The following C2CD5 variants were observed in gnomAD, a reference collection of about 807,000 sequenced individuals.
The protein encoded by C2CD5 is C2 calcium dependent domain containing 5.
C2CD5 carries 109 observed loss-of-function variants against 130.3 expected under a neutral mutation model. The observed-to-expected ratio is 0.84, with a 90% CI of 0.72 to 0.98. The LOEUF is 0.98. Ranked by LOEUF, C2CD5 falls within the 50% of genes least tolerant of loss-of-function variation. The probability of loss-of-function intolerance (pLI) is 0.00; values close to 1 mark genes in which losing one functional copy is unlikely to be tolerated. For synonymous variants in C2CD5, 454 were observed against 429.2 expected (o/e 1.06, Z -0.71); for missense variants, 996 against 1,261.8 (o/e 0.79, Z 3.19).
At position 22,474,789 on chromosome 12, in the gene C2CD5, C is replaced by T. The variant is rs781595649; in HGVS notation, c.2005G>A (p.Asp669Asn). 3.7e-6 allele frequency: 6 copies of T among 1,611,190 alleles called. No individual in the cohort carries two copies. In the Admixed American group the frequency reaches 6.7e-5, roughly 18 times the overall value. ...SESSDEVTEL[D>N]LSHGKKDAFV... is the part of the protein sequence containing the mutation. ...GCATCTTTTTTCCCATGTGAAAGGT[C>T]TAATTCTGTAACTTCATCCGAGCTT... Residue 669 changes from aspartate to asparagine, a missense_variant, in exon 16 of 27, where the codon GAC becomes AAC. Asp to Asn is a conservative substitution (Grantham distance 23). Around this residue, in one of 9 missense-constraint regions of C2CD5, gnomAD observed 590 missense variants for 631.4 expected, o/e 0.93. Coordinates refer to ENST00000446597, the MANE Select transcript of C2CD5 (RefSeq NM_001286176.2).
At chr12:22,470,759 T>TA in intron 21 of C2CD5, 65 bp downstream of exon 21, 1 of 952,610 alleles carries the variant, frequency 1.0e-6, no homozygotes, top group South Asian at 1.4e-5. Flanking sequence ...CTGTCCTGTA[T>TA]ATTTTATCAC....
At chr12:22,484,389 T>C (rs1274112410) in intron 13 of C2CD5, 4 of 233,218 alleles carry the variant, frequency 1.7e-5, no homozygotes, top group Non-Finnish European at 2.5e-5. Context: ...ATGTGTTACA[T>C]ATTGAATGTA....
chr12:22,473,298 A>G (rs962374332), intron 16 of C2CD5, among the ~76,000 whole-genome samples: 10 of 152,112 alleles, frequency 6.6e-5, no homozygotes, highest in Non-Finnish European at 1.5e-4. Flanking sequence ...AAATAGGGAA[A>G]CTATCCAGCT....
chr12:22,535,073 T>C (rs1036291916), intron 3 of C2CD5, 185 bp downstream of exon 3: 2 of 555,538 alleles, frequency 3.6e-6, no homozygotes, highest in Admixed American at 3.5e-5. Context: ...TGTTATCATA[T>C]ACTGTATTTT....
chr12:22,498,507 T>G (rs1947337777), intron 10 of C2CD5, among the ~76,000 whole-genome samples: 1 of 152,222 alleles, frequency 6.6e-6, no homozygotes, highest in South Asian at 2.1e-4. Context: ...GTAAAGTAAT[T>G]ATACTTATTT....
Position 22,475,275 on chromosome 12 carries a change from T to C in C2CD5, c.1903-384A>G, listed in dbSNP as rs561007703. Among the ~76,000 whole-genome samples, 11 of 152,316 alleles carry C rather than the reference T, an allele frequency of 7.2e-5. No individual in the cohort carries two copies. The South Asian group carries it at 2.3e-3, about 32-fold the overall frequency. ...TTAAAAATTTAAAGACTTATGTTCC[T>C]AGAAAGAATTCTAATCTTTTATATA... On this transcript the variant is annotated intron_variant, in intron 15 of 26. Coordinates refer to ENST00000446597, the MANE Select transcript of C2CD5 (RefSeq NM_001286176.2).
At chr12:22,499,200 T>C (rs1044557736) in intron 10 of C2CD5, among the ~76,000 whole-genome samples, 7 of 152,222 alleles carry the variant, frequency 4.6e-5, no homozygotes, top group African/African-American at 1.7e-4. Flanking sequence ...GAACTGTAGG[T>C]ATGTGGGATA....
chr12:22,498,339 C>T (rs1051388299), intron 10 of C2CD5, among the ~76,000 whole-genome samples: 2 of 152,028 alleles, frequency 1.3e-5, no homozygotes, highest in Non-Finnish European at 2.9e-5. Context: ...ACATGGTAGG[C>T]ACTCCACAAA....
At chr12:22,500,236 G>A (rs541988643) in intron 10 of C2CD5, among the ~76,000 whole-genome samples, 2 of 151,590 alleles carry the variant, frequency 1.3e-5, no homozygotes, top group Admixed American at 6.6e-5. Context: ...CAGCAAAGCA[G>A]GAGAAAAGGA....
chr12:22,454,969 C>T (rs1036365884), intron 25 of C2CD5, among the ~76,000 whole-genome samples: 1 of 152,178 alleles, frequency 6.6e-6, no homozygotes, highest in African/African-American at 2.4e-5. Flanking sequence ...AAAGGCTAGT[C>T]AATAGCTTGA....
At chr12:22,503,098 A>G (rs1455349170) in intron 10 of C2CD5, among the ~76,000 whole-genome samples, 2 of 152,186 alleles carry the variant, frequency 1.3e-5, no homozygotes, top group Non-Finnish European at 2.9e-5. Context: ...GATGTTCTTT[A>G]AAAAAGCCTC....
chr12:22,533,723 G>T (rs534254783), intron 3 of C2CD5, among the ~76,000 whole-genome samples: 18 of 152,302 alleles, frequency 1.2e-4, no homozygotes, highest in African/African-American at 4.3e-4. Context: ...GTGAGGAGAT[G>T]GGAGGCTCTC....
intron 16 of C2CD5, 30 bp downstream of exon 16, chr12:22,474,721 C>CT (rs1943586384): frequency 2.6e-6 from 4 of 1,534,556 alleles, no homozygotes; most frequent in Non-Finnish European, 3.5e-6. Flanking sequence ...CTTCCAAAAC[C>CT]TTTAAGAAAT....
chr12:22,530,429 G>A (rs1206826253), intron 3 of C2CD5, among the ~76,000 whole-genome samples: 2 of 150,586 alleles, frequency 1.3e-5, no homozygotes, highest in African/African-American at 4.9e-5. Context: ...TATATTATTC[G>A]GGAAGACTAG....
chr12:22,478,083 A>C, intron 15 of C2CD5: 1 of 481,022 alleles, frequency 2.1e-6, no homozygotes, highest in South Asian at 2.1e-5. Flanking sequence ...TAAAAGAGGG[A>C]AAAGTCATAG....
At chr12:22,492,154 G>A (rs985948680) in intron 11 of C2CD5, among the ~76,000 whole-genome samples, 3 of 152,166 alleles carry the variant, frequency 2.0e-5, no homozygotes, top group African/African-American at 7.2e-5. Context: ...TAACAATAAG[G>A]ATCACCACAA....
chr12:22,544,478 T>C lies in C2CD5; in HGVS notation c.-188A>G. On this transcript the variant is annotated 5_prime_UTR_variant, in exon 1 of 27. Transcript: ENST00000446597. ...CATCCCGTTGAGCCTCTGCCGCCCC[T>C]GCTTGTCTCTCCTCCCCCGCTCTCA... 4.7e-6 allele frequency: 1 copy of C among 211,954 alleles called. No individual in the cohort carries two copies. Among genetic ancestry groups the C allele is most frequent in the East Asian group, 1.2e-4 (1 of 8,072 alleles). 13.1% of individuals were successfully genotyped at this position (211,954 alleles called of 1,614,324 possible).
At chr12:22,468,054 C>A (rs771261456) in intron 22 of C2CD5, among the ~76,000 whole-genome samples, 6 of 147,006 alleles carry the variant, frequency 4.1e-5, no homozygotes, top group Non-Finnish European at 8.9e-5. Flanking sequence ...AAACCTTTGT[C>A]GATTAGGTTT....
At chr12:22,533,349 C>T (rs894038020) in intron 3 of C2CD5, among the ~76,000 whole-genome samples, 15 of 152,150 alleles carry the variant, frequency 9.9e-5, no homozygotes, top group African/African-American at 3.6e-4. Context: ...GAGGTTAACA[C>T]ATGTAAAGCA....
Sources: gnomAD v4.1 joint callset for allele counts (sites outside exome capture counted in the v4.1 genomes callset) on GRCh38, gnomAD v4.1.1 for gene constraint, gnomAD v4.1.1 regional missense constraint, MANE v1.5 for transcripts, NCBI Gene and HGNC (gene_info 2026-07-23, HGNC 2026-07-21) for gene names.